NRG1: variants seen among roughly 807,000 people sequenced by gnomAD.
The protein encoded by NRG1 is pro-neuregulin-1, membrane-bound isoform.
In NRG1, 18 loss-of-function variants were observed where a neutral mutation model predicts 63.8. The ratio of observed to expected loss-of-function variants is 0.28; its 90% CI spans 0.19 to 0.42. NRG1 has a LOEUF of 0.42. NRG1 is among the 10% of genes least tolerant of loss of function. The probability of loss-of-function intolerance (pLI) is 1.00; values close to 1 mark genes in which losing one functional copy is unlikely to be tolerated. For missense variants in NRG1, 762 were observed against 814.7 expected (o/e 0.94, Z 0.79); for synonymous variants, 302 against 301.3 (o/e 1.00, Z -0.02).
intron 1 of NRG1, among the ~76,000 whole-genome samples, chr8:32,336,089 C>T (rs1204178123): frequency 6.6e-6 from 1 of 152,168 alleles, no homozygotes; most frequent in Non-Finnish European, 1.5e-5. Context: ...ATGGCTTGTC[C>T]AGAGAAGACA....
At chr8:32,704,381 G>A (rs550371071) in intron 5 of NRG1, among the ~76,000 whole-genome samples, 17 of 152,156 alleles carry the variant, frequency 1.1e-4, no homozygotes, top group African/African-American at 3.1e-4. Context: ...GATAGTATCC[G>A]GCTAAGGTTT....
intron 1 of NRG1, among the ~76,000 whole-genome samples, chr8:31,670,262 G>C (rs959326587): frequency 6.6e-6 from 1 of 152,042 alleles, no homozygotes; most frequent in African/African-American, 2.4e-5. Context: ...ACTCACGGGG[G>C]TCACCACTGC....
chr8:32,234,870 T>C (rs1318370198), intron 1 of NRG1, among the ~76,000 whole-genome samples: 1 of 152,184 alleles, frequency 6.6e-6, no homozygotes, highest in Non-Finnish European at 1.5e-5. Context: ...CCCTCCTTCA[T>C]ACCCCACCTC....
intron 5 of NRG1, among the ~76,000 whole-genome samples, chr8:32,669,000 G>A (rs187418105): frequency 6.6e-6 from 1 of 152,316 alleles, no homozygotes; most frequent in Admixed American, 6.5e-5. Context: ...AGTAAAGAAA[G>A]CATCCACAGT....
intron 1 of NRG1, among the ~76,000 whole-genome samples, chr8:32,505,122 T>G (rs1828367812): frequency 6.6e-6 from 1 of 152,164 alleles, no homozygotes; most frequent in Admixed American, 6.5e-5. Flanking sequence ...ATTGTTGTTA[T>G]TATCAATTGT....
intron 5 of NRG1, among the ~76,000 whole-genome samples, chr8:32,633,181 C>A (rs556786639): frequency 6.6e-6 from 1 of 152,234 alleles, no homozygotes; most frequent in Non-Finnish European, 1.5e-5. Context: ...GGCTTCAATT[C>A]ATCAAAAAGA....
intron 1 of NRG1, among the ~76,000 whole-genome samples, chr8:32,044,578 G>A (rs928730862): frequency 4.6e-5 from 7 of 151,552 alleles, no homozygotes; most frequent in Non-Finnish European, 1.0e-4. Context: ...CAAATTTATG[G>A]CAAGTTCATG....
chr8:32,608,650 G>A (rs773877771), intron 3 of NRG1, among the ~76,000 whole-genome samples: 13 of 148,334 alleles, frequency 8.8e-5, no homozygotes, highest in Non-Finnish European at 1.7e-4. Flanking sequence ...TCAGCCTCGA[G>A]GAGATGGAAT....
At chr8:32,522,961 C>CTG (rs1173237387) in intron 1 of NRG1, among the ~76,000 whole-genome samples, 1 of 152,040 alleles carries the variant, frequency 6.6e-6, no homozygotes, top group Non-Finnish European at 1.5e-5. Context: ...ACCACCACAT[C>CTG]TGGCTAATTT....
At chr8:32,316,707 C>T (rs1695991257) in intron 1 of NRG1, among the ~76,000 whole-genome samples, 1 of 152,020 alleles carries the variant, frequency 6.6e-6, no homozygotes, top group Non-Finnish European at 1.5e-5. Flanking sequence ...CACCTTGATC[C>T]TCGGTGTGAA....
intron 1 of NRG1, among the ~76,000 whole-genome samples, chr8:32,106,348 T>G (rs778787417): frequency 6.6e-6 from 1 of 152,246 alleles, no homozygotes; most frequent in Non-Finnish European, 1.5e-5. Flanking sequence ...GGCAACCATA[T>G]GGAAGTCAGT....
intron 1 of NRG1, among the ~76,000 whole-genome samples, chr8:31,851,614 T>A (rs1176438903): frequency 6.6e-6 from 1 of 152,034 alleles, no homozygotes; most frequent in African/African-American, 2.4e-5. Flanking sequence ...TTAATTAATT[T>A]ATTATTATTA....
chr8:32,551,843 C>T (rs1834183389), intron 1 of NRG1, among the ~76,000 whole-genome samples: 1 of 151,980 alleles, frequency 6.6e-6, no homozygotes, highest in South Asian at 2.1e-4. Flanking sequence ...CCTCCCATAT[C>T]CAGCCTCTTC....
intron 1 of NRG1, among the ~76,000 whole-genome samples, chr8:31,679,490 CA>C (rs1254047678): frequency 6.6e-6 from 1 of 152,000 alleles, no homozygotes; most frequent in African/African-American, 2.4e-5. Flanking sequence ...TGAATAAATA[CA>C]ATAATCTCAG....
chr8:32,404,958 GCT>G (rs997109635), intron 1 of NRG1, among the ~76,000 whole-genome samples: 15 of 152,224 alleles, frequency 9.9e-5, no homozygotes, highest in African/African-American at 3.6e-4. Context: ...CCTCCCAGTT[GCT>G]CCTAAGGATG....
chr8:32,547,378 C>T (rs3802158), upstream of NRG1, among the ~76,000 whole-genome samples: 59,469 of 151,902 alleles, frequency 0.39, 12,716 homozygotes, highest in Admixed American at 0.49. Context: ...TTTATTCTAC[C>T]CCTCCCTGCC....
At chr8:32,094,854 T>C (rs561117322) in intron 1 of NRG1, among the ~76,000 whole-genome samples, 2 of 150,358 alleles carry the variant, frequency 1.3e-5, no homozygotes, top group African/African-American at 2.5e-5. Context: ...AAAAAAAAAA[T>C]AGCCCAGGAT....
intron 1 of NRG1, among the ~76,000 whole-genome samples, chr8:32,204,353 T>C (rs1843803287): frequency 6.6e-6 from 1 of 152,208 alleles, no homozygotes; most frequent in East Asian, 1.9e-4. Context: ...CAGCATGGTT[T>C]TACATGAACC....
chr8:32,090,853 A>G (rs1273119651), intron 1 of NRG1, among the ~76,000 whole-genome samples: 1 of 152,146 alleles, frequency 6.6e-6, no homozygotes, highest in Non-Finnish European at 1.5e-5. Context: ...TTCACCCACC[A>G]TACTCTACAT....
Sources: gnomAD v4.1 joint callset for allele counts (sites outside exome capture counted in the v4.1 genomes callset) on GRCh38, gnomAD v4.1.1 for gene constraint, MANE v1.5 for transcripts, NCBI Gene and HGNC (gene_info 2026-07-23, HGNC 2026-07-21) for gene names.